SYNPR: variants seen among roughly 807,000 people sequenced by gnomAD.
SYNPR encodes synaptoporin.
In SYNPR, 23 loss-of-function variants were observed where a neutral mutation model predicts 32.9. The observed-to-expected ratio is 0.70, with a 90% CI of 0.50 to 0.99. The LOEUF (loss-of-function observed/expected upper bound fraction) is 0.99, where lower values mean the gene tolerates loss of function less well. SYNPR is among the 50% of genes least tolerant of loss of function. The probability of loss-of-function intolerance (pLI) is 0.00; values close to 1 mark genes in which losing one functional copy is unlikely to be tolerated. For missense variants in SYNPR, 318 were observed against 349.3 expected (o/e 0.91, Z 0.71); for synonymous variants, 146 against 135.9 (o/e 1.07, Z -0.52).
intron 3 of SYNPR, among the ~76,000 whole-genome samples, chr3:63,489,947 G>C (rs754595222): frequency 6.6e-6 from 1 of 152,108 alleles, no homozygotes; most frequent in Non-Finnish European, 1.5e-5. Flanking sequence ...TAAGTGGAGC[G>C]GGGAGTGACA....
intron 2 of SYNPR, among the ~76,000 whole-genome samples, chr3:63,421,228 A>T (rs1328910757): frequency 6.6e-6 from 1 of 152,194 alleles, no homozygotes; most frequent in Non-Finnish European, 1.5e-5. Context: ...AGATAACACA[A>T]TATGAAAAGA....
At chr3:63,202,472 T>C in the SYNPR span, among the ~76,000 whole-genome samples, 1 of 152,112 alleles carries the variant, frequency 6.6e-6, no homozygotes, top group African/African-American at 2.4e-5. Flanking sequence ...ACTTCACAGA[T>C]TGTCAGCAGT....
At chr3:63,543,932 G>A (rs555376157) in intron 3 of SYNPR, among the ~76,000 whole-genome samples, 11 of 152,178 alleles carry the variant, frequency 7.2e-5, no homozygotes, top group Non-Finnish European at 1.0e-4. Context: ...GGTGGGTGGC[G>A]GGGCGTTATT....
intron 2 of SYNPR, among the ~76,000 whole-genome samples, chr3:63,387,263 A>T (rs891606994): frequency 6.6e-6 from 1 of 152,150 alleles, no homozygotes; most frequent in Non-Finnish European, 1.5e-5. Context: ...TTTTTCTTTC[A>T]ATCACTCTAT....
chr3:63,575,933 A>T (rs1279114890), intron 4 of SYNPR, among the ~76,000 whole-genome samples: 2 of 152,166 alleles, frequency 1.3e-5, no homozygotes, highest in African/African-American at 4.8e-5. Flanking sequence ...ATAATCTTTA[A>T]TGCAGTTATT....
intron 2 of SYNPR, among the ~76,000 whole-genome samples, chr3:63,384,986 T>A (rs2088022374): frequency 6.6e-6 from 1 of 152,140 alleles, no homozygotes; most frequent in Admixed American, 6.6e-5. Flanking sequence ...GGAAAAACCA[T>A]GAGATTCCAA....
At chr3:63,419,148 G>A (rs772580329) in intron 2 of SYNPR, among the ~76,000 whole-genome samples, 3 of 152,144 alleles carry the variant, frequency 2.0e-5, no homozygotes, top group Non-Finnish European at 4.4e-5. Flanking sequence ...CCTGTTCCTT[G>A]AAGGCTTTGC....
chr3:63,244,012 A>T (rs890235559), intron 1 of SYNPR, among the ~76,000 whole-genome samples: 6 of 152,138 alleles, frequency 3.9e-5, no homozygotes, highest in African/African-American at 1.2e-4. Context: ...GGAATCTAAT[A>T]CAAGGACTTG....
chr3:63,228,231 A>C (rs1336235424), upstream of SYNPR: 1 of 152,168 alleles, frequency 6.6e-6, no homozygotes, highest in Non-Finnish European at 1.5e-5. Flanking sequence ...TGGCTAGATA[A>C]ACCCATGCTG....
intron 4 of SYNPR, among the ~76,000 whole-genome samples, chr3:63,595,717 T>TTATATATATA (rs1169780634): frequency 2.8e-4 from 5 of 17,874 alleles, no homozygotes; most frequent in South Asian, 2.9e-3. Flanking sequence ...GAATCTTATT[T>TTATATATATA]TATATATATA....
chr3:63,347,469 A>G (rs1312232524), intron 2 of SYNPR, among the ~76,000 whole-genome samples: 6 of 152,188 alleles, frequency 3.9e-5, no homozygotes, highest in Non-Finnish European at 1.5e-5. Flanking sequence ...AATATATGCC[A>G]ATCTTTGTTC....
intron 2 of SYNPR, 62 bp from the exon 3 acceptor site, chr3:63,480,770 T>C (rs1225288958): frequency 1.9e-6 from 3 of 1,577,940 alleles, no homozygotes; most frequent in East Asian, 4.5e-5. Flanking sequence ...CCTTTTGATA[T>C]ATCTCATTAG....
At chr3:63,296,109 T>C (rs2106935915) in intron 2 of SYNPR, among the ~76,000 whole-genome samples, 1 of 152,264 alleles carries the variant, frequency 6.6e-6, no homozygotes, top group South Asian at 2.1e-4. Context: ...ACACAAGTGA[T>C]AAGAGGTGTG....
intron 4 of SYNPR, among the ~76,000 whole-genome samples, chr3:63,606,139 G>A (rs1272941780): frequency 1.3e-5 from 2 of 152,248 alleles, no homozygotes; most frequent in Non-Finnish European, 2.9e-5. Flanking sequence ...CTAGCAAATG[G>A]ACACACGGGT....
chr3:63,245,680 T>TGAGAGAGAGA lies in SYNPR; in HGVS notation n.67-6797_67-6788dup, dbSNP rs71992869. Among the ~76,000 whole-genome samples the TGAGAGAGAGA allele has an allele frequency of 4.5e-3, 552 of 123,038 alleles. 1 individual carries two copies. The highest frequency in any genetic ancestry group is 6.5e-3 in the Non-Finnish European group (377 of 58,328). 80.7% of individuals were successfully genotyped at this position (123,038 alleles called of 152,430 possible). ...AGTTACCTAAGAAAGCTTTGTCAAG[T>TGAGAGAGAGA]GAGAGAGAGAGAGAGAGAGAGAGAG... On this transcript the variant is annotated intron_variant and non_coding_transcript_variant, in intron 1 of 4. Transcript: ENST00000478456.
chr3:63,218,869 G>A, the SYNPR span, among the ~76,000 whole-genome samples: 1 of 152,150 alleles, frequency 6.6e-6, no homozygotes, highest in Non-Finnish European at 1.5e-5. Context: ...GTATTGCTGG[G>A]TTAAACAACT....
rs796874443 is a variant in SYNPR at position 63,386,600 on chromosome 3, T to TTTCCTTCC, written c.85-94230_85-94229insCCTTCCTT. 2.8e-3 allele frequency among the ~76,000 whole-genome samples: 260 copies of TTTCCTTCC among 92,384 alleles called. 3 individuals are homozygous for TTTCCTTCC. The East Asian group carries it at 0.07, about 25-fold the overall frequency. 60.6% of individuals were successfully genotyped at this position (92,384 alleles called of 152,430 possible). ...AGAGTAAGAGCAGAGTTGGATTATA[T>TTTCCTTCC]TTACTTCCTTCCTTCCTTCCTTCCT... is the stretch of plus-strand genomic sequence containing the variant. On this transcript the variant is annotated intron_variant, in intron 2 of 5. Coordinates refer to ENST00000478300, the MANE Select transcript of SYNPR (RefSeq NM_001130003.2).
intron 3 of SYNPR, among the ~76,000 whole-genome samples, chr3:63,497,296 G>A (rs192394020): frequency 2.6e-5 from 4 of 152,270 alleles, no homozygotes; most frequent in Admixed American, 2.6e-4. Context: ...GCATTGAGAA[G>A]AGTTTGTTTC....
At chr3:63,568,511 G>C (rs1173299730) in intron 4 of SYNPR, among the ~76,000 whole-genome samples, 1 of 152,102 alleles carries the variant, frequency 6.6e-6, no homozygotes, top group East Asian at 1.9e-4. Context: ...GGTCAATCAT[G>C]GTGCCTCACT....
Sources: allele counts gnomAD v4.1 joint callset (sites outside exome capture counted in the v4.1 genomes callset), GRCh38; gene constraint gnomAD v4.1.1; transcripts MANE v1.5; gene names NCBI Gene and HGNC (gene_info 2026-07-23, HGNC 2026-07-21).